Variants in TGM4 observed in about 807,000 individuals in gnomAD.
TGM4 encodes protein-glutamine gamma-glutamyltransferase 4.
A neutral mutation model predicts 76.3 loss-of-function variants in TGM4; 61 were observed. The ratio of observed to expected loss-of-function variants is 0.80; its 90% confidence interval spans 0.65 to 0.99. The LOEUF is 0.99. Among genes scored for constraint, TGM4 ranks in the 50% least tolerant of loss-of-function variants. The pLI, the probability that TGM4 is intolerant of heterozygous loss-of-function variation, is 0.00. For synonymous variants in TGM4, 337 were observed against 329.8 expected (o/e 1.02, Z -0.24); for missense variants, 794 against 843.2 (o/e 0.94, Z 0.72).
At chr3:44,881,211 A>AG (rs899010639) in intron 1 of TGM4, among the ~76,000 whole-genome samples, 20 of 152,294 alleles carry the variant, frequency 1.3e-4, no homozygotes, top group African/African-American at 1.9e-4. Flanking sequence ...ATTAAAAAAA[A>AG]AAAAATCAAA....
At chr3:44,899,144 C>A (rs189288991) in intron 6 of TGM4, 1 of 152,234 alleles carries the variant, frequency 6.6e-6, no homozygotes, top group Non-Finnish European at 1.5e-5. Context: ...GGGTCTGACA[C>A]GCTTTGGGCC....
At chr3:44,878,773 C>T (rs187877993) in intron 1 of TGM4, among the ~76,000 whole-genome samples, 24 of 151,984 alleles carry the variant, frequency 1.6e-4, no homozygotes, top group African/African-American at 5.3e-4. Flanking sequence ...TGAGCCGCTG[C>T]GCCTGGCCTC....
At chr3:44,896,675 T>C (rs1699782135) in intron 5 of TGM4, 34 bp from the exon 6 acceptor site, 6 of 1,605,630 alleles carry the variant, frequency 3.7e-6, no homozygotes, top group Non-Finnish European at 5.1e-6. Flanking sequence ...CAGGGCAAAG[T>C]CTTAACTGCC....
intron 1 of TGM4, among the ~76,000 whole-genome samples, chr3:44,877,323 C>T (rs941358352): frequency 4.6e-5 from 7 of 152,032 alleles, no homozygotes; most frequent in Admixed American, 2.6e-4. Context: ...TGGGGTACAC[C>T]GGTAATCCCA....
intron 13 of TGM4, among the ~76,000 whole-genome samples, chr3:44,911,922 C>T (rs1700010936): frequency 6.6e-6 from 1 of 152,182 alleles, no homozygotes; most frequent in Admixed American, 6.5e-5. Flanking sequence ...CCATCCGTCC[C>T]CAGGTTCAAG....
At chr3:44,887,382 C>A (rs891114697) in intron 2 of TGM4, among the ~76,000 whole-genome samples, 1 of 152,204 alleles carries the variant, frequency 6.6e-6, no homozygotes, top group African/African-American at 2.4e-5. Context: ...CAGGGTTAAA[C>A]AAATGGTAAC....
chr3:44,874,763 C>T, intron 1 of TGM4, 66 bp downstream of exon 1: 1 of 1,605,276 alleles, frequency 6.2e-7, no homozygotes, highest in South Asian at 1.1e-5. Flanking sequence ...AAACTGCTCT[C>T]TTGCCTCTGC....
rs150359725 is a variant in TGM4, at chr3:44,901,576, A to G, written c.710A>G (p.Tyr237Cys). 5.5e-5 allele frequency: 88 copies of G among 1,613,926 alleles called. No homozygotes were observed. The highest frequency in any genetic ancestry group is 6.8e-5 in the Non-Finnish European group (80 of 1,179,968). The change falls in exon 7 of 14, where the codon TAC (tyrosine) becomes TGC (cysteine). Residue 237 changes from tyrosine (Y) to cysteine (C), a missense_variant. Tyr to Cys is a radical substitution (Grantham distance 194). Transcript: ENST00000296125. ...GVLIGNWTGD[Y>C]EGGTAPYKWT... ...CTCATTGGGAATTGGACTGGGGACT[A>G]CGAAGGTGGCACAGCCCCATACAAG...
In TGM4 at chr3:44,874,691, T is replaced by C; in HGVS notation, c.13T>C (p.Ser5Pro). 1.2e-6 allele frequency: 2 copies of C among 1,614,180 alleles called. No homozygotes were observed. The highest frequency in any genetic ancestry group is 4.5e-5 in the East Asian group (2 of 44,888). Residue 5 changes from serine to proline, a missense_variant, in exon 1 of 14, where the codon TCA becomes CCA. Physicochemically the swap from Ser to Pro is moderately conservative, Grantham distance 74. Transcript: ENST00000296125. MMDA[S>P]KELQVLHIDF... ...AGAATCTGAAGGGATGATGGATGCA[T>C]CAAAAGGTGAGTGGGTGAAATCTCC... is the stretch of plus-strand genomic sequence containing the variant.
At chr3:44,912,516 TTA>T (rs745703447) in intron 13 of TGM4, among the ~76,000 whole-genome samples, 1 of 152,218 alleles carries the variant, frequency 6.6e-6, no homozygotes, top group Non-Finnish European at 1.5e-5. Context: ...TATAATAATT[TTA>T]TATGATTATC....
At chr3:44,882,826 C>A (rs1398903715) in intron 1 of TGM4, among the ~76,000 whole-genome samples, 2 of 152,248 alleles carry the variant, frequency 1.3e-5, no homozygotes, top group Non-Finnish European at 2.9e-5. Flanking sequence ...ATCTGCCTAA[C>A]ATTAATGATG....
rs775324846 is a variant in TGM4 at position 44,896,741 on chromosome 3, C to G, written c.582C>G (p.Ser194=). ...FEKNVLDCCI[S]LLTESSLKPT... ...AAAATGTCCTGGACTGCTGCATTTCCCTGCTGACTGAGAGCTCCCTCAAGC... is the reference window on the plus strand; with the variant it reads ...AAAATGTCCTGGACTGCTGCATTTCGCTGCTGACTGAGAGCTCCCTCAAGC... Residue 194 remains serine (S), a synonymous_variant, in exon 6 of 14, where the codon TCC becomes TCG. Transcript: ENST00000296125. 27 of 1,614,142 alleles carry G rather than the reference C, an allele frequency of 1.7e-5. No homozygotes were observed. The South Asian group carries it at 2.7e-4, about 16-fold the overall frequency.
intron 9 of TGM4, among the ~76,000 whole-genome samples, chr3:44,904,981 CTTTA>C (rs967419149): frequency 6.6e-6 from 1 of 150,786 alleles, no homozygotes; most frequent in African/African-American, 2.4e-5. Context: ...TGTGCCTGGC[CTTTA>C]TTTATTTATT....
In TGM4 at chr3:44,911,395, C is replaced by T. The variant is rs1381917040; in HGVS notation, c.1902C>T (p.Thr634=). 6 of 1,614,158 alleles carry T rather than the reference C, an allele frequency of 3.7e-6. No homozygotes were observed. The highest frequency in any genetic ancestry group is 3.4e-6 in the Non-Finnish European group (4 of 1,180,034). ...GCCTGGGCATCTCCTCACTACAGAC[C>T]TCTGACCATGGGTGAGTCTGCCTGA... is the stretch of plus-strand genomic sequence containing the variant. ...LESLGISSLQ[T]SDHGTVQPGE... Residue 634 remains threonine (T), a synonymous_variant, in exon 13 of 14, where the codon ACC becomes ACT. Transcript: ENST00000296125.
chr3:44,910,419 A>G (rs1405911032), intron 11 of TGM4, 51 bp downstream of exon 11: 3 of 1,578,194 alleles, frequency 1.9e-6, no homozygotes, highest in Admixed American at 3.6e-5. Context: ...GGGTCCCACA[A>G]TCTGAAATCC....
chr3:44,906,615 G>T (rs1699925011), intron 9 of TGM4, among the ~76,000 whole-genome samples: 1 of 152,084 alleles, frequency 6.6e-6, no homozygotes, highest in African/African-American at 2.4e-5. Flanking sequence ...CCTTGCACAA[G>T]GTCACATAGC....
intron 3 of TGM4, among the ~76,000 whole-genome samples, chr3:44,890,066 C>A (rs936413089): frequency 6.6e-6 from 1 of 152,092 alleles, no homozygotes; most frequent in African/African-American, 2.4e-5. Context: ...GGGGAAACTG[C>A]CTTATAAAAC....
chr3:44,878,697 G>T (rs1433219843), intron 1 of TGM4, among the ~76,000 whole-genome samples: 1 of 151,968 alleles, frequency 6.6e-6, no homozygotes, highest in African/African-American at 2.4e-5. Context: ...GGCCAGGCTG[G>T]TCATGAACTC....
Position 44,901,635 on chromosome 3 carries a change from T to C in TGM4, c.769T>C (p.Tyr257His). The C allele has an allele frequency of 6.2e-7, 1 of 1,614,226 alleles. No homozygotes were observed. ...CAGTGCCCCGATCCTGCAGCAGTACTACAACACGAAGCAGGCTGTGTGCTT... is the reference window on the plus strand; with the variant it reads ...CAGTGCCCCGATCCTGCAGCAGTACCACAACACGAAGCAGGCTGTGTGCTT... ...TGSAPILQQYYNTKQAVCFGQ... is the reference protein window; with the variant it reads ...TGSAPILQQYHNTKQAVCFGQ... The change falls in exon 7 of 14, where the codon TAC becomes CAC. Residue 257 changes from tyrosine (Y) to histidine (H), a missense_variant. By Grantham distance (83) the Tyr-to-His change is moderately conservative (BLOSUM62 2). Coordinates refer to ENST00000296125, the MANE Select transcript of TGM4 (RefSeq NM_003241.4).
Sources: gnomAD v4.1 joint callset for allele counts (sites outside exome capture counted in the v4.1 genomes callset) on GRCh38, gnomAD v4.1.1 for gene constraint, MANE v1.5 for transcripts, NCBI Gene and HGNC (gene_info 2026-07-23, HGNC 2026-07-21) for gene names.